Variants in SVOPL observed in about 807,000 individuals in gnomAD.
The protein encoded by SVOPL is putative transporter SVOPL.
SVOPL carries 60 observed loss-of-function variants against 61.0 expected under a neutral mutation model. The observed-to-expected ratio is 0.98, with a 90% CI of 0.80 to 1.22. The LOEUF (loss-of-function observed/expected upper bound fraction) is 1.22. SVOPL is among the 50% of genes most tolerant of loss of function. The pLI is 0.00. For synonymous variants in SVOPL, 279 were observed against 250.0 expected, an observed-to-expected ratio of 1.12 and a Z score of -1.09; for missense variants, 662 against 643.9, an observed-to-expected ratio of 1.03 and a Z score of -0.30.
At chr7:138,613,416 C>T (rs541187650) in intron 14 of SVOPL, among the ~76,000 whole-genome samples, 1 of 152,290 alleles carries the variant, frequency 6.6e-6, no homozygotes, top group East Asian at 1.9e-4. Flanking sequence ...AATCTAAAGT[C>T]CTTAATATGC....
At chr7:138,644,892 C>T in intron 8 of SVOPL, 47 bp from the exon 9 acceptor site, 1 of 1,612,136 alleles carries the variant, frequency 6.2e-7, no homozygotes, top group South Asian at 1.1e-5. Context: ...TGCTATAGAA[C>T]CCAGGGGTAC....
chr7:138,654,775 T>C (rs891918315), intron 7 of SVOPL, among the ~76,000 whole-genome samples: 1 of 151,686 alleles, frequency 6.6e-6, no homozygotes, highest in Non-Finnish European at 1.5e-5. Context: ...GGCAGGAGAA[T>C]AGCCATGAGT....
chr7:138,626,580 A>T (rs1275717758), intron 12 of SVOPL, among the ~76,000 whole-genome samples: 1 of 151,890 alleles, frequency 6.6e-6, no homozygotes, highest in Non-Finnish European at 1.5e-5. Context: ...TGTTGTAGAG[A>T]TGGGGTTTTG....
chr7:138,632,716 T>G (rs1800270033), intron 9 of SVOPL, among the ~76,000 whole-genome samples: 6 of 142,984 alleles, frequency 4.2e-5, no homozygotes, highest in African/African-American at 1.0e-4. Context: ...AGACAGGGGG[T>G]TGTGGAGGGA....
At chr7:138,690,250 A>G (rs1457680290) in intron 1 of SVOPL, among the ~76,000 whole-genome samples, 2 of 152,204 alleles carry the variant, frequency 1.3e-5, no homozygotes, top group South Asian at 2.1e-4. Context: ...ACACTCATAC[A>G]TGAATGGTCA....
intron 7 of SVOPL, among the ~76,000 whole-genome samples, chr7:138,650,742 G>A (rs1335575107): frequency 7.6e-6 from 1 of 130,942 alleles, no homozygotes; most frequent in African/African-American, 3.0e-5. Context: ...GAGCCCAGGA[G>A]TTCGAGGCTG....
chr7:138,687,953 C>T lies in SVOPL; in HGVS notation c.-34-8874G>A, dbSNP rs991407633. On this transcript the variant is annotated intron_variant, in intron 1 of 15. Coordinates refer to ENST00000674285, the MANE Select transcript of SVOPL (RefSeq NM_001139456.2). Reference sequence around the variant, plus strand: ...AGTAGCTGGGATTACAGGTGTGCACCACCACACACAGCTAATTTTTGTATT... The same window carrying T: ...AGTAGCTGGGATTACAGGTGTGCACTACCACACACAGCTAATTTTTGTATT... Among the ~76,000 whole-genome samples the T allele has an allele frequency of 2.6e-5, 4 of 151,970 alleles. No homozygotes were observed. The East Asian group carries it at 7.8e-4, about 29-fold the overall frequency.
chr7:138,662,384 T>C, intron 5 of SVOPL: 1 of 985,200 alleles, frequency 1.0e-6, no homozygotes, highest in Non-Finnish European at 1.2e-6. Context: ...TGAGGGTGAG[T>C]TTTCTTGCCC....
chr7:138,644,570 T>G (rs1459554069), intron 9 of SVOPL, 147 bp downstream of exon 9: 1 of 1,170,424 alleles, frequency 8.5e-7, no homozygotes, highest in Admixed American at 2.9e-5. Flanking sequence ...TGAAAATGAA[T>G]GTAGCCTCAC....
chr7:138,662,697 A>C (rs1802051839), intron 5 of SVOPL: 1 of 1,048,434 alleles, frequency 9.5e-7, no homozygotes, highest in Non-Finnish European at 1.2e-6. Context: ...CAACACCACC[A>C]CAGTAAACTG....
rs1313990044 is a variant in SVOPL at position 138,678,442 on chromosome 7, T to C, written c.166A>G (p.Ser56Gly). Residue 56 changes from serine (S) to glycine (G), a missense_variant, in exon 3 of 16, where the codon AGT becomes GGT. By Grantham distance (56) the Ser-to-Gly change is moderately conservative. Transcript: ENST00000674285. ...FHIALFLIMG[S>G]TGVVEAMEIM... ...CTCGAAGGAGCACTCACCCCAGTAC[T>C]GCCCATGATCAGAAAGAGGGCAATG... 6.4e-7 allele frequency: 1 copy of C among 1,551,958 alleles called. No homozygotes were observed. The highest frequency in any genetic ancestry group is 8.7e-7 in the Non-Finnish European group (1 of 1,147,036).
At chr7:138,662,600 C>T in intron 5 of SVOPL, 1 of 987,320 alleles carries the variant, frequency 1.0e-6, no homozygotes, top group Non-Finnish European at 1.2e-6. Flanking sequence ...GGGGCCTTTT[C>T]CATTCCCCTT....
At chr7:138,634,992 G>A (rs1357144218) in intron 9 of SVOPL, among the ~76,000 whole-genome samples, 5 of 152,134 alleles carry the variant, frequency 3.3e-5, no homozygotes, top group Non-Finnish European at 7.3e-5. Flanking sequence ...ATATGGGCCG[G>A]GCGCAGTGGC....
intron 1 of SVOPL, among the ~76,000 whole-genome samples, chr7:138,700,286 A>G (rs1803161856): frequency 6.6e-6 from 1 of 150,684 alleles, no homozygotes; most frequent in African/African-American, 2.4e-5. Context: ...TCAGCAATGG[A>G]ATGCTGGAAA....
At chr7:138,688,079 G>T (rs976423929) in intron 1 of SVOPL, among the ~76,000 whole-genome samples, 4 of 152,156 alleles carry the variant, frequency 2.6e-5, no homozygotes, top group African/African-American at 9.7e-5. Context: ...GGGATTACAG[G>T]CGTGAGCCAC....
chr7:138,661,425 A>G, intron 5 of SVOPL: 1 of 984,626 alleles, frequency 1.0e-6, no homozygotes, highest in Non-Finnish European at 1.2e-6. Context: ...CAGTCTGAGG[A>G]ATGTGAGGTA....
chr7:138,678,636 G>A, intron 2 of SVOPL, 111 bp from the exon 3 acceptor site: 4 of 1,070,168 alleles, frequency 3.7e-6, no homozygotes, highest in South Asian at 3.1e-5. Context: ...TTAATACGGG[G>A]GGTCAGTGGT....
At chr7:138,687,146 T>A (rs756245358) in intron 1 of SVOPL, among the ~76,000 whole-genome samples, 61 of 151,812 alleles carry the variant, frequency 4.0e-4, no homozygotes, top group Middle Eastern at 3.4e-3. Flanking sequence ...ATTCTAAAAC[T>A]ACTGCTCCCT....
At chr7:138,610,511 T>G (rs1798952877) in intron 14 of SVOPL, among the ~76,000 whole-genome samples, 1 of 152,384 alleles carries the variant, frequency 6.6e-6, no homozygotes, top group South Asian at 2.1e-4. Context: ...TTGTAGGTTT[T>G]TGTGTTTTCA....
Sources: allele counts gnomAD v4.1 joint callset (sites outside exome capture counted in the v4.1 genomes callset), GRCh38; gene constraint gnomAD v4.1.1; transcripts MANE v1.5; gene names NCBI Gene and HGNC (gene_info 2026-07-23, HGNC 2026-07-21).